KIF13A: variants seen among roughly 807,000 people sequenced by gnomAD.
KIF13A encodes the protein kinesin family member 13A.
KIF13A carries 79 observed loss-of-function variants against 212.2 expected under a neutral mutation model. The ratio of observed to expected loss-of-function variants is 0.37; its 90% CI spans 0.31 to 0.45. KIF13A has a LOEUF of 0.45. KIF13A is among the 20% of genes least tolerant of loss of function. The pLI is 1.00. For synonymous variants in KIF13A, 789 were observed against 808.6 expected (o/e 0.98, Z 0.41); for missense variants, 1,901 against 2,209.0 (o/e 0.86, Z 2.79).
At chr6:17,985,190 A>G (rs1385686965) in intron 2 of KIF13A, among the ~76,000 whole-genome samples, 1 of 152,256 alleles carries the variant, frequency 6.6e-6, no homozygotes, top group African/African-American at 2.4e-5. Flanking sequence ...CAGAAGGACA[A>G]AACACGAGAG....
rs764189371 is a variant in KIF13A at position 17,836,913 on chromosome 6, C to G, written c.1120G>C (p.Val374Leu). ...GAGAGCTGCTCTCTCAGTTTCTCGA[C>G]TTCCTCCCGCAGTTCTCGGATCACT... ...AKVIRELREE[V>L]EKLREQLSQA... Residue 374 changes from valine to leucine, a missense_variant, in exon 11 of 39, where the codon GTC (valine) becomes CTC (leucine). Physicochemically the swap from Val to Leu is conservative, Grantham distance 32 (BLOSUM62 1). Around this residue, in one of 5 missense-constraint regions of KIF13A, gnomAD observed 506 missense variants for 637.4 expected, o/e 0.79. Transcript: ENST00000259711. The G allele has an allele frequency of 1.2e-6, 2 of 1,613,852 alleles. No homozygotes were observed. Among genetic ancestry groups the G allele is most frequent in the African/African-American group, 2.7e-5 (2 of 74,914 alleles).
intron 9 of KIF13A, among the ~76,000 whole-genome samples, chr6:17,846,720 C>T (rs4716195): frequency 0.83 from 125,733 of 152,098 alleles, 52,018 homozygotes; most frequent in African/African-American, 0.89. Context: ...ATCTAAATCA[C>T]GTAATCACCA....
intron 3 of KIF13A, among the ~76,000 whole-genome samples, chr6:17,893,832 C>CTTTTTTTTTTTTTTTTTTTTTTTT (rs139288852): frequency 1.3e-5 from 1 of 77,328 alleles, no homozygotes; most frequent in Non-Finnish European, 2.5e-5. Flanking sequence ...TTTCCTGCAT[C>CTTTTTTTTTTTTTTTTTTTTTTTT]TTTTTTTTTT....
At chr6:17,779,833 G>C in intron 31 of KIF13A, 149 bp from the exon 32 acceptor site, 1 of 435,558 alleles carries the variant, frequency 2.3e-6, no homozygotes, top group Non-Finnish European at 4.2e-6. Flanking sequence ...TCCGCCCCCT[G>C]GGGTTCACAC....
At chr6:17,873,220 C>T (rs1770182442) in intron 4 of KIF13A, 157 bp downstream of exon 4, 7 of 543,246 alleles carry the variant, frequency 1.3e-5, no homozygotes, top group Non-Finnish European at 2.3e-5. Context: ...GATTCTGAAA[C>T]CAAATCTTAT....
rs1763970248 is a variant in KIF13A at position 17,816,514 on chromosome 6, C to G, written c.2000+506G>C. On this transcript the variant is annotated intron_variant, in intron 17 of 38. Coordinates refer to ENST00000259711, the MANE Select transcript of KIF13A (RefSeq NM_022113.6). This position sits in a 1 kb window ranked among gnomAD's most constrained non-coding sequence, Gnocchi z 4.3. ...TTTACTTTTTGTAGAGACAAGGTCT[C>G]ACTATGTTGCCTGGGCTGGATTCAA... Among the ~76,000 whole-genome samples the G allele has an allele frequency of 6.6e-6, 1 of 151,986 alleles. No homozygotes were observed. The highest frequency in any genetic ancestry group is 1.5e-5 in the Non-Finnish European group (1 of 67,994).
chr6:17,825,874 G>C lies in KIF13A; in HGVS notation c.1680C>G (p.Gly560=). The change falls in exon 16 of 39, where the codon GGC becomes GGG. Residue 560 remains glycine (G), a synonymous_variant. Transcript: ENST00000259711. This position sits in a 1 kb window ranked among gnomAD's most constrained non-coding sequence, Gnocchi z 4.5. ...CTGCATCCAGGTCATGCTCTGGCGG[G>C]CCCGTTTCTTTTTCAAAGTCTTTCA... ...DWLKDFEKET[G]PPEHDLDAAS... 1.2e-6 allele frequency: 2 copies of C among 1,613,898 alleles called. No individual in the cohort carries two copies. The highest frequency in any genetic ancestry group is 1.7e-6 in the Non-Finnish European group (2 of 1,179,836).
At chr6:17,890,769 G>C (rs1207207674) in intron 3 of KIF13A, among the ~76,000 whole-genome samples, 1 of 145,076 alleles carries the variant, frequency 6.9e-6, no homozygotes, top group Non-Finnish European at 1.5e-5. Flanking sequence ...TGGGACTACA[G>C]GGACATGTTA....
chr6:17,799,331 C>T lies in KIF13A; in HGVS notation c.2725G>A (p.Asp909Asn), dbSNP rs1762292529. Residue 909 changes from aspartate (D) to asparagine (N), a missense_variant, in exon 22 of 39, where the codon GAC (aspartate) becomes AAC (asparagine). Coordinates refer to ENST00000259711, the MANE Select transcript of KIF13A (RefSeq NM_022113.6). The surrounding 1 kb of genome is among the most constrained non-coding windows in gnomAD (Gnocchi z 4.4). ...GACTGTGGTGAAGGCACCTCGGGGT[C>T]CACCACCGGGGCAGCCACCGTAGAC... is the stretch of plus-strand genomic sequence containing the variant. The part of the protein sequence containing the change: ...CESTVAAPVV[D>N]PEVPSPQSKD... The T allele has an allele frequency of 6.2e-7, 1 of 1,613,200 alleles. No homozygotes were observed. Among genetic ancestry groups the T allele is most frequent in the Non-Finnish European group, 8.5e-7 (1 of 1,179,552 alleles).
chr6:17,932,350 T>G (rs1350326636), intron 2 of KIF13A, among the ~76,000 whole-genome samples: 1 of 152,224 alleles, frequency 6.6e-6, no homozygotes, highest in Non-Finnish European at 1.5e-5. Flanking sequence ...TTCATAGAAC[T>G]AATGCAATTA....
chr6:17,856,652 G>A lies in KIF13A; in HGVS notation c.221-530C>T, dbSNP rs573881883. On this transcript the variant is annotated intron_variant, in intron 4 of 38. Transcript: ENST00000259711. This position sits in a 1 kb window ranked among gnomAD's most constrained non-coding sequence, Gnocchi z 4.5. ...CACCCGTCACCTGTGTCCCCACAGC[G>A]GGAGTGGGGGACAAGTTCTCTTTTG... 2.6e-4 allele frequency among the ~76,000 whole-genome samples: 39 copies of A among 152,242 alleles called. 1 individual carries two copies. The East Asian group carries it at 6.8e-3, about 26-fold the overall frequency.
chr6:17,780,288 C>G (rs1189329098), intron 31 of KIF13A, among the ~76,000 whole-genome samples: 1 of 152,206 alleles, frequency 6.6e-6, no homozygotes, highest in Non-Finnish European at 1.5e-5. Flanking sequence ...CTTAATCAGT[C>G]TTTCCTGAGA....
intron 3 of KIF13A, among the ~76,000 whole-genome samples, chr6:17,875,497 C>G (rs1391912064): frequency 6.6e-6 from 1 of 151,080 alleles, no homozygotes; most frequent in African/African-American, 2.4e-5. Flanking sequence ...CTCTGTCACC[C>G]AGGCTGCAGT....
At chr6:17,805,742 T>C in intron 18 of KIF13A, 127 bp from the exon 19 acceptor site, 1 of 789,372 alleles carries the variant, frequency 1.3e-6, no homozygotes, top group Non-Finnish European at 2.0e-6. Context: ...GAAGATAAAA[T>C]TCTACCACCT....
Position 17,771,995 on chromosome 6 carries a change from T to C in KIF13A, c.4389A>G (p.Pro1463=). The C allele has an allele frequency of 6.2e-7, 1 of 1,613,916 alleles. No individual in the cohort carries two copies. Among genetic ancestry groups the C allele is most frequent in the Non-Finnish European group, 8.5e-7 (1 of 1,179,836 alleles). ...VSPFKAFSPQ[P]PKFFKPLMPV... is the part of the protein sequence containing the mutation. ...GCATTAGGGGCTTGAAAAACTTTGG[T>C]GGCTGAGGAGAGAATGCTTTAAAAG... is the stretch of plus-strand genomic sequence containing the variant. Residue 1463 remains proline (P), a synonymous_variant, in exon 37 of 39, where the codon CCA becomes CCG. Coordinates refer to ENST00000259711, the MANE Select transcript of KIF13A (RefSeq NM_022113.6). This position sits in a 1 kb window ranked among gnomAD's most constrained non-coding sequence, Gnocchi z 5.4.
Position 17,919,636 on chromosome 6 carries a change from T to G in KIF13A, c.147-21456A>C, listed in dbSNP as rs562872400. On this transcript the variant is annotated intron_variant, in intron 2 of 38. Coordinates refer to ENST00000259711, the MANE Select transcript of KIF13A (RefSeq NM_022113.6). The surrounding 1 kb of genome is among the most constrained non-coding windows in gnomAD (Gnocchi z 4.1). The stretch of plus-strand genomic sequence containing the variant: ...CAGTGGCTGCTTTACCTACCCTGAT[T>G]TGACCTGTTCTATTATCTAGTTTTC... Among the ~76,000 whole-genome samples, 1 of 152,208 alleles carries G rather than the reference T, an allele frequency of 6.6e-6. No individual in the cohort carries two copies. The highest frequency in any genetic ancestry group is 2.1e-4 in the South Asian group (1 of 4,834).
At chr6:17,832,596 C>T (rs1356863190) in intron 12 of KIF13A, among the ~76,000 whole-genome samples, 1 of 151,656 alleles carries the variant, frequency 6.6e-6, no homozygotes, top group African/African-American at 2.4e-5. Context: ...CAAGATTGCG[C>T]CACTGCATTC....
chr6:17,882,948 T>G (rs1771212372), intron 3 of KIF13A, among the ~76,000 whole-genome samples: 1 of 152,242 alleles, frequency 6.6e-6, no homozygotes, highest in Admixed American at 6.5e-5. Flanking sequence ...TGTATATATA[T>G]GTATACATCT....
intron 16 of KIF13A, among the ~76,000 whole-genome samples, chr6:17,823,922 T>C (rs1301938286): frequency 6.6e-6 from 1 of 150,640 alleles, no homozygotes; most frequent in African/African-American, 2.4e-5. Flanking sequence ...AATTTCTTTT[T>C]TTTTTTTTGA....
Sources: gnomAD v4.1 joint callset for allele counts (sites outside exome capture counted in the v4.1 genomes callset) on GRCh38, gnomAD v4.1.1 for gene constraint, gnomAD v4.1.1 regional missense constraint, Gnocchi (gnomAD v3.1) non-coding constraint, MANE v1.5 for transcripts, NCBI Gene and HGNC (gene_info 2026-07-23, HGNC 2026-07-21) for gene names.